Variants in PTPRK observed in about 807,000 individuals in gnomAD.
PTPRK encodes the protein protein tyrosine phosphatase receptor type K.
PTPRK carries 75 observed loss-of-function variants against 178.0 expected under a neutral mutation model. The ratio of observed to expected loss-of-function variants is 0.42; its 90% CI spans 0.35 to 0.51. The LOEUF (loss-of-function observed/expected upper bound fraction) is 0.51. PTPRK is among the 20% of genes least tolerant of loss of function. PTPRK has a pLI of 0.02. For synonymous variants in PTPRK, 637 were observed against 620.6 expected (o/e 1.03, Z -0.39); for missense variants, 1,441 against 1,797.8 (o/e 0.80, Z 3.59).
intron 1 of PTPRK, among the ~76,000 whole-genome samples, chr6:128,445,293 T>C (rs1401164330): frequency 7.7e-6 from 1 of 130,012 alleles, no homozygotes; most frequent in Non-Finnish European, 1.7e-5. Context: ...TAATAGTATA[T>C]TATATAAATA....
intron 24 of PTPRK, 29 bp from the exon 25 acceptor site, chr6:127,981,318 A>T (rs981855632): frequency 6.3e-7 from 1 of 1,586,630 alleles, no homozygotes; most frequent in African/African-American, 1.3e-5. Context: ...CCAGGTTAAA[A>T]GACAGTGTGA....
intron 1 of PTPRK, among the ~76,000 whole-genome samples, chr6:128,514,041 G>A (rs1233194521): frequency 6.6e-6 from 1 of 152,174 alleles, no homozygotes; most frequent in African/African-American, 2.4e-5. Context: ...TGGCTGGTCA[G>A]CTGCTGCCTT....
intron 1 of PTPRK, among the ~76,000 whole-genome samples, chr6:128,502,290 G>A (rs544421968): frequency 6.6e-6 from 1 of 152,168 alleles, no homozygotes; most frequent in Non-Finnish European, 1.5e-5. Flanking sequence ...CCTGTATAGT[G>A]GGGAAACTTG....
At chr6:128,435,102 A>AGGC (rs1845396415) in intron 1 of PTPRK, among the ~76,000 whole-genome samples, 4 of 70,342 alleles carry the variant, frequency 5.7e-5, no homozygotes, top group Non-Finnish European at 1.1e-4. Flanking sequence ...GGAAGGAAGG[A>AGGC]AGGAAGGCAG....
chr6:128,503,166 C>A (rs1855809360), intron 1 of PTPRK, among the ~76,000 whole-genome samples: 2 of 152,220 alleles, frequency 1.3e-5, no homozygotes, highest in African/African-American at 4.8e-5. Context: ...GCAGAGGTTG[C>A]AGTGAGCCGA....
intron 1 of PTPRK, among the ~76,000 whole-genome samples, chr6:128,459,620 T>C (rs1848787273): frequency 6.6e-6 from 1 of 152,204 alleles, no homozygotes; most frequent in African/African-American, 2.4e-5. Context: ...GTTGCTATCA[T>C]TCTTTAAGTT....
At chr6:128,161,814 A>G (rs1049885886) in intron 7 of PTPRK, among the ~76,000 whole-genome samples, 1 of 151,604 alleles carries the variant, frequency 6.6e-6, no homozygotes. Flanking sequence ...ATGAATGGAC[A>G]AATAAACATA....
chr6:128,103,898 A>C (rs1427563982), intron 7 of PTPRK, among the ~76,000 whole-genome samples: 1 of 152,112 alleles, frequency 6.6e-6, no homozygotes, highest in Non-Finnish European at 1.5e-5. Context: ...GTAGGAGTGG[A>C]AGGCCAGGTC....
At chr6:128,473,898 C>T (rs532828145) in intron 1 of PTPRK, among the ~76,000 whole-genome samples, 2 of 152,064 alleles carry the variant, frequency 1.3e-5, no homozygotes, top group South Asian at 4.1e-4. Flanking sequence ...AGAAAACAAA[C>T]ATTAAAGACA....
chr6:128,356,644 T>C (rs1834002867), intron 2 of PTPRK, among the ~76,000 whole-genome samples: 1 of 152,226 alleles, frequency 6.6e-6, no homozygotes, highest in South Asian at 2.1e-4. Flanking sequence ...AGTAATGGCT[T>C]TCATTTAGGT....
chr6:128,494,591 T>C (rs865892064), intron 1 of PTPRK, among the ~76,000 whole-genome samples: 44 of 151,960 alleles, frequency 2.9e-4, no homozygotes, highest in African/African-American at 1.1e-3. Flanking sequence ...CCAAACACAA[T>C]AGTACAACCA....
At chr6:128,204,117 A>G (rs1806483669) in intron 6 of PTPRK, among the ~76,000 whole-genome samples, 1 of 152,102 alleles carries the variant, frequency 6.6e-6, no homozygotes, top group Non-Finnish European at 1.5e-5. Flanking sequence ...CAAAAATAAG[A>G]CTATCCACCT....
chr6:128,424,323 G>A (rs917287304), intron 1 of PTPRK, among the ~76,000 whole-genome samples: 2 of 152,196 alleles, frequency 1.3e-5, no homozygotes, highest in African/African-American at 4.8e-5. Context: ...AGTGGCTGCG[G>A]AAAAGTCATT....
At chr6:128,238,696 T>C (rs1247221635) in intron 5 of PTPRK, among the ~76,000 whole-genome samples, 1 of 152,208 alleles carries the variant, frequency 6.6e-6, no homozygotes, top group Non-Finnish European at 1.5e-5. Flanking sequence ...ATTTATTTGA[T>C]AAAACAGGTT....
intron 6 of PTPRK, among the ~76,000 whole-genome samples, chr6:128,195,083 T>A (rs1804633256): frequency 1.3e-5 from 2 of 150,638 alleles, no homozygotes; most frequent in East Asian, 1.9e-4. Flanking sequence ...TTTAAAAAAA[T>A]TATTAAAAAT....
chr6:128,394,988 G>T (rs1053956421), intron 2 of PTPRK, among the ~76,000 whole-genome samples: 5 of 151,972 alleles, frequency 3.3e-5, no homozygotes, highest in African/African-American at 1.2e-4. Flanking sequence ...CAAACATTTG[G>T]GGTTTTTTGT....
At chr6:128,008,904 T>G (rs996202006) in intron 14 of PTPRK, among the ~76,000 whole-genome samples, 16 of 151,144 alleles carry the variant, frequency 1.1e-4, no homozygotes, top group Admixed American at 4.6e-4. Context: ...AATTTCTAGG[T>G]CAACTTAACA....
intron 7 of PTPRK, among the ~76,000 whole-genome samples, chr6:128,115,671 C>A (rs1214656033): frequency 6.6e-6 from 1 of 151,868 alleles, no homozygotes; most frequent in Non-Finnish European, 1.5e-5. Context: ...GTTTAAATGA[C>A]TTAGAATAAC....
intron 3 of PTPRK, among the ~76,000 whole-genome samples, chr6:128,270,201 G>T (rs1160326747): frequency 6.6e-6 from 1 of 152,022 alleles, no homozygotes; most frequent in Non-Finnish European, 1.5e-5. Flanking sequence ...TCAACCATGT[G>T]TTATTAAAAT....
Sources: gnomAD v4.1 joint callset for allele counts (sites outside exome capture counted in the v4.1 genomes callset) on GRCh38, gnomAD v4.1.1 for gene constraint, MANE v1.5 for transcripts, NCBI Gene and HGNC (gene_info 2026-07-23, HGNC 2026-07-21) for gene names.